HECW1: variants seen among roughly 807,000 people sequenced by gnomAD.
The protein encoded by HECW1 is HECT, C2 and WW domain containing E3 ubiquitin protein ligase 1.
A neutral mutation model predicts 182.3 loss-of-function variants in HECW1; 61 were observed. The observed-to-expected ratio is 0.33, with a 90% CI of 0.27 to 0.41. The LOEUF (loss-of-function observed/expected upper bound fraction) is 0.41, where lower values mean the gene tolerates loss of function less well. Ranked by LOEUF, HECW1 falls within the 10% of genes least tolerant of loss-of-function variation. HECW1 has a pLI of 1.00. For missense variants in HECW1, 1,739 were observed against 2,108.9 expected (o/e 0.82, Z 3.44); for synonymous variants, 859 against 832.6 (o/e 1.03, Z -0.55).
At chr7:43,425,327 T>C (rs895485544) in intron 8 of HECW1, among the ~76,000 whole-genome samples, 6 of 151,942 alleles carry the variant, frequency 3.9e-5, no homozygotes, top group Admixed American at 3.9e-4. Context: ...GATAGATAGA[T>C]AGATAGATAG....
At chr7:43,155,290 A>G (rs547066327) in intron 2 of HECW1, among the ~76,000 whole-genome samples, 1 of 152,238 alleles carries the variant, frequency 6.6e-6, no homozygotes, top group Non-Finnish European at 1.5e-5. Flanking sequence ...GTCCTCAAAG[A>G]AATACAATTC....
In HECW1 at chr7:43,321,255, C is replaced by A. The variant is rs149847829; in HGVS notation, c.460+513C>A. Among the ~76,000 whole-genome samples, 684 of 152,324 alleles carry A rather than the reference C, an allele frequency of 4.5e-3. 8 individuals carry two copies. Among genetic ancestry groups the A allele is most frequent in the African/African-American group, 0.014 (600 of 41,556 alleles). On this transcript the variant is annotated intron_variant, in intron 5 of 29. Transcript: ENST00000395891. ...GCTGTGAGACATTGGTACTACCAGC[C>A]TGTTTCTTTGATTTTTAATCTACTG...
chr7:43,113,702 G>C (rs1402423727), intron 1 of HECW1: 1 of 208,536 alleles, frequency 4.8e-6, no homozygotes, highest in Non-Finnish European at 9.7e-6. Flanking sequence ...TCCATTTTTG[G>C]CTGGAGGTGC....
rs561558473 is a variant in HECW1 at position 43,336,287 on chromosome 7, T to A, written c.460+15545T>A. On this transcript the variant is annotated intron_variant, in intron 5 of 29. Coordinates refer to ENST00000395891, the MANE Select transcript of HECW1 (RefSeq NM_015052.5). ...CTCAAGTGATCCTCCTGCCTCAGCC[T>A]CCTGAGTAGCTGGGACCACACTCAC... 2.0e-5 allele frequency among the ~76,000 whole-genome samples: 3 copies of A among 150,534 alleles called. No individual in the cohort carries two copies. In the Admixed American group the frequency reaches 2.0e-4, roughly 10 times the overall value.
chr7:43,162,971 C>G (rs994276047), intron 2 of HECW1: 1 of 152,188 alleles, frequency 6.6e-6, no homozygotes, highest in Non-Finnish European at 1.5e-5. Context: ...TGCCTAAGGT[C>G]ACATGAGCAG....
At chr7:43,207,843 C>A (rs909788579) in intron 2 of HECW1, 3 of 152,196 alleles carry the variant, frequency 2.0e-5, no homozygotes, top group Non-Finnish European at 4.4e-5. Context: ...CCAATTCTGG[C>A]AGGTGTGTTG....
chr7:43,400,417 C>T (rs1229223367), intron 7 of HECW1, among the ~76,000 whole-genome samples: 2 of 152,138 alleles, frequency 1.3e-5, no homozygotes, highest in African/African-American at 2.4e-5. Context: ...GATGGACAAA[C>T]GCCGGGACTA....
chr7:43,465,999 AG>A (rs1460190142), intron 14 of HECW1, among the ~76,000 whole-genome samples: 85 of 97,356 alleles, frequency 8.7e-4, no homozygotes, highest in Non-Finnish European at 1.3e-3. Flanking sequence ...GAAGGAAGGA[AG>A]GGGGGAGGAG....
chr7:43,385,451 G>T (rs2074755722), intron 6 of HECW1, among the ~76,000 whole-genome samples: 1 of 151,250 alleles, frequency 6.6e-6, no homozygotes, highest in South Asian at 2.1e-4. Flanking sequence ...TCACCTGGGA[G>T]CCTTAAAGAG....
At chr7:43,282,663 C>T (rs1259280971) in intron 3 of HECW1, among the ~76,000 whole-genome samples, 1 of 152,064 alleles carries the variant, frequency 6.6e-6, no homozygotes, top group African/African-American at 2.4e-5. Context: ...AAATGCAAGT[C>T]ACTAATAAAG....
intron 9 of HECW1, among the ~76,000 whole-genome samples, chr7:43,441,681 A>G (rs1432528377): frequency 1.3e-5 from 2 of 152,252 alleles, no homozygotes; most frequent in African/African-American, 4.8e-5. Context: ...ATATAGCATG[A>G]AAGTTGCCAC....
intron 5 of HECW1, among the ~76,000 whole-genome samples, chr7:43,337,651 T>C (rs1020990933): frequency 4.6e-5 from 7 of 152,214 alleles, no homozygotes; most frequent in African/African-American, 1.7e-4. Context: ...CTAACCTGCT[T>C]CATCACAGCA....
At chr7:43,198,276 ACT>A (rs370863268) in intron 2 of HECW1, among the ~76,000 whole-genome samples, 69 of 149,602 alleles carry the variant, frequency 4.6e-4, no homozygotes, top group African/African-American at 1.2e-3. Context: ...CACACCCCAC[ACT>A]CACACACCAC....
intron 3 of HECW1, among the ~76,000 whole-genome samples, chr7:43,272,340 A>G (rs1802511365): frequency 6.6e-6 from 1 of 152,194 alleles, no homozygotes; most frequent in Non-Finnish European, 1.5e-5. Flanking sequence ...AGTGGAACCT[A>G]TTAAACTAAA....
At chr7:43,319,116 G>A (rs1174756941) in intron 4 of HECW1, among the ~76,000 whole-genome samples, 3 of 152,170 alleles carry the variant, frequency 2.0e-5, no homozygotes, top group Admixed American at 6.5e-5. Context: ...GGCCGGGCGC[G>A]GTGGCTCACG....
At chr7:43,303,350 A>C (rs1584399451) in intron 3 of HECW1, among the ~76,000 whole-genome samples, 1 of 122,242 alleles carries the variant, frequency 8.2e-6, no homozygotes. Flanking sequence ...GCCCCCCAAC[A>C]CCTGCCATCA....
At chr7:43,309,141 T>C (rs2152770278) in intron 3 of HECW1, among the ~76,000 whole-genome samples, 1 of 152,234 alleles carries the variant, frequency 6.6e-6, no homozygotes, top group African/African-American at 2.4e-5. Flanking sequence ...GGGAATGGGA[T>C]TCCTGTGCAT....
chr7:43,156,987 G>A (rs961851318), intron 2 of HECW1, among the ~76,000 whole-genome samples: 1 of 152,092 alleles, frequency 6.6e-6, no homozygotes, highest in Non-Finnish European at 1.5e-5. Flanking sequence ...AGATTTGAGG[G>A]GCTATTTGTT....
chr7:43,138,568 T>C (rs7782118), intron 2 of HECW1, among the ~76,000 whole-genome samples: 67,336 of 151,926 alleles, frequency 0.44, 15,023 homozygotes, highest in South Asian at 0.45. Flanking sequence ...TATGTACTTG[T>C]CTGCACAGTC....
Sources: allele counts gnomAD v4.1 joint callset (sites outside exome capture counted in the v4.1 genomes callset), GRCh38; gene constraint gnomAD v4.1.1; transcripts MANE v1.5; gene names NCBI Gene and HGNC (gene_info 2026-07-23, HGNC 2026-07-21).